The following KCNAB1 variants were observed in gnomAD, a reference collection of about 807,000 sequenced individuals.
KCNAB1 encodes the protein voltage-gated potassium channel subunit beta-1.
Under a neutral mutation model 64.6 loss-of-function variants are expected in KCNAB1, and 35 were observed. That is an observed-to-expected ratio of 0.54 (90% CI 0.41 to 0.72). The LOEUF is 0.72. Ranked by LOEUF, KCNAB1 falls within the 30% of genes least tolerant of loss-of-function variation. KCNAB1 has a pLI of 0.00. For missense variants in KCNAB1, 401 were observed against 512.9 expected, an observed-to-expected ratio of 0.78 and a Z score of 2.11; for synonymous variants, 177 against 183.8, an observed-to-expected ratio of 0.96 and a Z score of 0.30.
chr3:156,376,067 G>A lies in KCNAB1; in HGVS notation c.276-45549G>A, dbSNP rs567626831. Reference sequence around the variant, plus strand: ...ACTCCTGACCTCAAGCGATCCACCCGCCTTGGCATCCCAAAGTGCTGGGAT... The same window carrying A: ...ACTCCTGACCTCAAGCGATCCACCCACCTTGGCATCCCAAAGTGCTGGGAT... On this transcript the variant is annotated intron_variant, in intron 1 of 13. Coordinates refer to ENST00000490337, the MANE Select transcript of KCNAB1 (RefSeq NM_172160.3). Among the ~76,000 whole-genome samples, 7 of 152,296 alleles carry A rather than the reference G, an allele frequency of 4.6e-5. No homozygotes were observed. In the East Asian group the frequency reaches 1.2e-3, roughly 25 times the overall value.
chr3:156,190,001 A>G (rs1395051426), intron 1 of KCNAB1, among the ~76,000 whole-genome samples: 1 of 152,248 alleles, frequency 6.6e-6, no homozygotes, highest in Admixed American at 6.5e-5. Flanking sequence ...TTAAAACAAT[A>G]CTTTAAAAAT....
intron 1 of KCNAB1, among the ~76,000 whole-genome samples, chr3:156,395,184 C>A (rs1028250782): frequency 3.3e-5 from 5 of 152,120 alleles, no homozygotes; most frequent in Non-Finnish European, 5.9e-5. Flanking sequence ...AAACAAATGG[C>A]TTGTTCTTCT....
At chr3:156,486,294 C>T (rs1196589481) in intron 8 of KCNAB1, among the ~76,000 whole-genome samples, 2 of 152,060 alleles carry the variant, frequency 1.3e-5, no homozygotes, top group African/African-American at 4.8e-5. Flanking sequence ...CTGCTCTTAC[C>T]CTACTCTCTG....
chr3:156,229,765 C>T (rs1311081642), intron 1 of KCNAB1, among the ~76,000 whole-genome samples: 1 of 152,172 alleles, frequency 6.6e-6, no homozygotes, highest in Non-Finnish European at 1.5e-5. Flanking sequence ...TTCCTTGCTT[C>T]CTCTCCAGTT....
At chr3:156,441,560 TAGA>T (rs1717002271) in intron 2 of KCNAB1, 1 of 152,176 alleles carries the variant, frequency 6.6e-6, no homozygotes, top group African/African-American at 2.4e-5. Context: ...GTTCCTATTT[TAGA>T]AGAAGATATT....
At chr3:156,131,179 G>A (rs1035021425) in intron 1 of KCNAB1, among the ~76,000 whole-genome samples, 10 of 152,162 alleles carry the variant, frequency 6.6e-5, no homozygotes, top group African/African-American at 2.4e-4. Flanking sequence ...CCATTGTATT[G>A]TGTGTTTTTG....
At chr3:156,159,725 T>C (rs761971541) in intron 1 of KCNAB1, among the ~76,000 whole-genome samples, 1 of 152,212 alleles carries the variant, frequency 6.6e-6, no homozygotes, top group Admixed American at 6.5e-5. Context: ...TTTCTGAGGC[T>C]TGAAGAAGTT....
chr3:156,474,851 G>C (rs1559903942), intron 8 of KCNAB1, 31 bp downstream of exon 8: 2 of 1,525,158 alleles, frequency 1.3e-6, no homozygotes, highest in Admixed American at 1.7e-5. Flanking sequence ...AAATACTCTA[G>C]AAATCTTGAT....
At chr3:156,279,095 T>A (rs1719535579) in intron 1 of KCNAB1, among the ~76,000 whole-genome samples, 1 of 151,580 alleles carries the variant, frequency 6.6e-6, no homozygotes, top group Non-Finnish European at 1.5e-5. Context: ...TAGGTATATC[T>A]CCCGATGCTA....
chr3:156,519,678 A>G (rs1401987289), intron 11 of KCNAB1, among the ~76,000 whole-genome samples: 2 of 152,182 alleles, frequency 1.3e-5, no homozygotes, highest in Non-Finnish European at 2.9e-5. Flanking sequence ...GACTGCATCC[A>G]TGGACTTGTA....
chr3:156,394,963 T>A (rs1713316035), intron 1 of KCNAB1, among the ~76,000 whole-genome samples: 2 of 152,244 alleles, frequency 1.3e-5, no homozygotes, highest in Admixed American at 1.3e-4. Context: ...GATGATGATT[T>A]GTGAACTTCT....
intron 1 of KCNAB1, among the ~76,000 whole-genome samples, chr3:156,359,859 T>G (rs747047211): frequency 6.6e-6 from 1 of 152,182 alleles, no homozygotes; most frequent in Non-Finnish European, 1.5e-5. Context: ...AAATGCTATA[T>G]TAAAGGCAAT....
chr3:156,356,097 G>A (rs1725212442), intron 1 of KCNAB1, among the ~76,000 whole-genome samples: 1 of 143,636 alleles, frequency 7.0e-6, no homozygotes, highest in Non-Finnish European at 1.5e-5. Context: ...ACTCATGCCT[G>A]AGTGACAGAG....
At chr3:156,124,838 C>T (rs539986898) in intron 1 of KCNAB1, among the ~76,000 whole-genome samples, 40 of 152,010 alleles carry the variant, frequency 2.6e-4, no homozygotes, top group African/African-American at 8.9e-4. Context: ...GTGCTAACAC[C>T]ATTATAAAGA....
chr3:156,331,308 G>C (rs890736733), intron 1 of KCNAB1, among the ~76,000 whole-genome samples: 8 of 152,226 alleles, frequency 5.3e-5, no homozygotes, highest in Non-Finnish European at 8.8e-5. Context: ...CTAATGAAGA[G>C]TGGAGCTGAA....
At chr3:156,213,231 T>G (rs1715123951) in intron 1 of KCNAB1, among the ~76,000 whole-genome samples, 1 of 140,176 alleles carries the variant, frequency 7.1e-6, no homozygotes, top group Non-Finnish European at 1.6e-5. Flanking sequence ...TTTTTTTTTG[T>G]CTTTTGAGAC....
chr3:156,473,013 G>A (rs1381042542), intron 7 of KCNAB1, among the ~76,000 whole-genome samples: 2 of 152,176 alleles, frequency 1.3e-5, no homozygotes, highest in African/African-American at 2.4e-5. Context: ...CGGAGAGAGA[G>A]GGCCATTGTC....
chr3:156,379,039 C>T (rs1333907541), intron 1 of KCNAB1, among the ~76,000 whole-genome samples: 1 of 152,220 alleles, frequency 6.6e-6, no homozygotes, highest in Admixed American at 6.5e-5. Context: ...GTGGGACTTA[C>T]AGCCAACCAG....
At chr3:156,257,191 A>T (rs932580995) in intron 1 of KCNAB1, among the ~76,000 whole-genome samples, 1 of 152,220 alleles carries the variant, frequency 6.6e-6, no homozygotes, top group African/African-American at 2.4e-5. Flanking sequence ...GTCATATCAG[A>T]CACACCTGGA....
Sources: gnomAD v4.1 joint callset for allele counts (sites outside exome capture counted in the v4.1 genomes callset) on GRCh38, gnomAD v4.1.1 for gene constraint, MANE v1.5 for transcripts, NCBI Gene and HGNC (gene_info 2026-07-23, HGNC 2026-07-21) for gene names.